The following CKB variants were observed in gnomAD, a reference collection of about 807,000 sequenced individuals.
CKB encodes the protein creatine kinase B.
Under a neutral mutation model 36.9 loss-of-function variants are expected in CKB, and 15 were observed. The ratio of observed to expected loss-of-function variants is 0.41; its 90% CI spans 0.27 to 0.63. The LOEUF (loss-of-function observed/expected upper bound fraction) is 0.63, where lower values mean the gene tolerates loss of function less well. CKB is among the 20% of genes least tolerant of loss of function. The probability of loss-of-function intolerance (pLI) is 0.34; values close to 1 mark genes in which losing one functional copy is unlikely to be tolerated. For missense variants in CKB, 413 were observed against 534.9 expected, an observed-to-expected ratio of 0.77 and a Z score of 2.25; for synonymous variants, 250 against 228.2, an observed-to-expected ratio of 1.10 and a Z score of -0.86.
chr14:103,522,295 G>T lies in CKB; in HGVS notation c.193+6C>A. 6.2e-7 allele frequency: 1 copy of T among 1,601,026 alleles called. No individual in the cohort carries two copies. Among genetic ancestry groups the T allele is most frequent in the East Asian group, 2.3e-5 (1 of 44,438 alleles). On this transcript the variant is annotated splice_donor_region_variant and intron_variant, in intron 2 of 7. Coordinates refer to ENST00000348956, the MANE Select transcript of CKB (RefSeq NM_001823.5). This position sits in a 1 kb window ranked among gnomAD's most constrained non-coding sequence, Gnocchi z 6.7. ...GCCGGGACCCCGGCCCCGAGGGGTC[G>T]CGTACCCGGGTTGTCCACGCCTGTC...
intron 5 of CKB, chr14:103,520,861 G>C: frequency 1.9e-6 from 1 of 513,466 alleles, no homozygotes. Context: ...CACAGTGGGG[G>C]TAGGAGCCCT....
In CKB at chr14:103,522,382, G is replaced by C; in HGVS notation, c.112C>G (p.Leu38Val). The part of the protein sequence containing the change: ...NHMAKVLTPE[L>V]YAELRAKSTP... Reference sequence around the variant, plus strand: ...CTCTTGGCGCGCAGCTCCGCGTACAGCTCGGGGGTCAGCACCTTGGCCATG... The same window carrying C: ...CTCTTGGCGCGCAGCTCCGCGTACACCTCGGGGGTCAGCACCTTGGCCATG... Residue 38 changes from leucine (L) to valine (V), a missense_variant, in exon 2 of 8, where the codon CTG (leucine) becomes GTG (valine). By Grantham distance (32) the Leu-to-Val change is conservative (BLOSUM62 1). Transcript: ENST00000348956. This position sits in a 1 kb window ranked among gnomAD's most constrained non-coding sequence, Gnocchi z 6.7. The C allele has an allele frequency of 6.2e-7, 1 of 1,611,666 alleles. No individual in the cohort carries two copies. Among genetic ancestry groups the C allele is most frequent in the Non-Finnish European group, 8.5e-7 (1 of 1,179,274 alleles).
At position 103,522,810 on chromosome 14, in the gene CKB, C is replaced by G. The variant is rs892560179; in HGVS notation, c.-57G>C. 11 of 151,168 alleles carry G rather than the reference C, an allele frequency of 7.3e-5. No homozygotes were observed. The highest frequency in any genetic ancestry group is 5.3e-4 in the Admixed American group (8 of 15,182). 9.4% of individuals were successfully genotyped at this position (151,168 alleles called of 1,614,324 possible). On this transcript the variant is annotated 5_prime_UTR_variant, in exon 1 of 8. Transcript: ENST00000348956. This position sits in a 1 kb window ranked among gnomAD's most constrained non-coding sequence, Gnocchi z 6.7. ...GGGGGCGCTCCGTCCGTCGGCAGCT[C>G]CCGGAGCGACGCAGGCGAACAGCGG...
chr14:103,520,385 CGGAAATCCCCCGGGG>C, intron 6 of CKB, 69 bp downstream of exon 6: 1 of 1,585,654 alleles, frequency 6.3e-7, no homozygotes, highest in Non-Finnish European at 8.6e-7. Flanking sequence ...TCCCCAGTGC[CGGAAATCCCCCGGGG>C]GGACTGATGC....
chr14:103,522,006 C>T lies in CKB; in HGVS notation c.348+17G>A. On this transcript the variant is annotated intron_variant, in intron 3 of 7. Coordinates refer to ENST00000348956, the MANE Select transcript of CKB (RefSeq NM_001823.5). The surrounding 1 kb of genome is among the most constrained non-coding windows in gnomAD (Gnocchi z 6.7). ...AGACCCCGGCCCCGCCCGCCCGGCC[C>T]GCCCGCAGCCCCGCACCTGCAGGTT... is the stretch of plus-strand genomic sequence containing the variant. 6.5e-7 allele frequency: 1 copy of T among 1,544,338 alleles called. No homozygotes were observed. The highest frequency in any genetic ancestry group is 1.2e-5 in the South Asian group (1 of 83,858).
At chr14:103,520,079 C>T (rs372367439) in intron 7 of CKB, 37 bp from the exon 8 acceptor site, 82 of 1,605,852 alleles carry the variant, frequency 5.1e-5, no homozygotes, top group Non-Finnish European at 6.7e-5. Flanking sequence ...GGAAACAGGG[C>T]TGCCCAAAGG....
chr14:103,521,785 C>A, intron 4 of CKB, 33 bp downstream of exon 4: 1 of 1,354,426 alleles, frequency 7.4e-7, no homozygotes, highest in South Asian at 1.8e-5. Flanking sequence ...GGGGACGCGG[C>A]CGCCGCCGCC....
chr14:103,521,570 C>A, intron 4 of CKB, 136 bp from the exon 5 acceptor site: 1 of 993,212 alleles, frequency 1.0e-6, no homozygotes, highest in Non-Finnish European at 1.4e-6. Context: ...GCGTCCAGTC[C>A]TCACGGCCCG....
chr14:103,521,119 CCA>C, intron 5 of CKB, 142 bp downstream of exon 5: 1 of 1,054,452 alleles, frequency 9.5e-7, no homozygotes, highest in South Asian at 1.4e-5. Context: ...GGCACGGAAC[CCA>C]GACCCGGAGC....
rs1019033675 is a variant in CKB, at chr14:103,522,663, G to A, written c.-13+103C>T. The A allele has an allele frequency of 2.4e-4, 65 of 266,452 alleles. No homozygotes were observed. The highest frequency in any genetic ancestry group is 6.5e-4 in the Admixed American group (11 of 17,036). 16.5% of individuals were successfully genotyped at this position (266,452 alleles called of 1,614,324 possible). A position where few individuals can be genotyped will look rare whatever the true frequency, so the allele number is the denominator to read the frequency against. On this transcript the variant is annotated intron_variant, in intron 1 of 7. Transcript: ENST00000348956. This position sits in a 1 kb window ranked among gnomAD's most constrained non-coding sequence, Gnocchi z 6.7. ...CGCGCGGGGAGCGCCATCATCGCCG[G>A]GGACCCCCGGCCGGTCCGGCGCGCG...
Position 103,521,050 on chromosome 14 carries a change from C to T in CKB, c.653+213G>A, listed in dbSNP as rs546351693. On this transcript the variant is annotated intron_variant, in intron 5 of 7. Transcript: ENST00000348956. ...TGCTGAGTCCTGAGCCCCCACGGGC[C>T]GGGGCCCAGTCCCTTAACGCACCTG... The T allele has an allele frequency of 1.5e-3, 1,054 of 707,104 alleles. 2 individuals are homozygous for T. Among genetic ancestry groups the T allele is most frequent in the Non-Finnish European group, 1.7e-3 (689 of 395,888 alleles). 43.8% of individuals were successfully genotyped at this position (707,104 alleles called of 1,614,324 possible).
chr14:103,520,827 G>T, intron 5 of CKB: 2 of 569,400 alleles, frequency 3.5e-6, no homozygotes, highest in Non-Finnish European at 6.0e-6. Flanking sequence ...GCCAGGGACC[G>T]CCAGGACAGC....
At position 103,520,202 on chromosome 14, in the gene CKB, T is replaced by G. The variant is rs758039698; in HGVS notation, c.887A>C (p.His296Pro). Residue 296 changes from histidine (H) to proline (P), a missense_variant, in exon 7 of 8, where the codon CAT (histidine) becomes CCT (proline). Coordinates refer to ENST00000348956, the MANE Select transcript of CKB (RefSeq NM_001823.5). ...CTTGCCCAGGTTGGGCAGCTTGATA[T>G]GCACACCTGCCCGCAGCCCGGTGCC... ...NLGTGLRAGV[H>P]IKLPNLGKHE... 1.2e-6 allele frequency: 2 copies of G among 1,613,098 alleles called. No individual in the cohort carries two copies. Among genetic ancestry groups the G allele is most frequent in the Admixed American group, 3.3e-5 (2 of 59,950 alleles).
Position 103,519,935 on chromosome 14 carries a change from G to A in CKB, c.1075C>T (p.Leu359=), listed in dbSNP as rs368182685. The change falls in exon 8 of 8, where the codon CTG becomes TTG. Residue 359 remains leucine (L), a synonymous_variant. Transcript: ENST00000348956. ...LVQMVVDGVK[L]LIEMEQRLEQ... is the part of the protein sequence containing the mutation. ...AGCCGCTGCTCCATCTCGATGAGCA[G>A]CTTCACTCCGTCCACCACCATCTGC... 5.7e-5 allele frequency: 92 copies of A among 1,609,952 alleles called. No homozygotes were observed. The highest frequency in any genetic ancestry group is 7.7e-5 in the Non-Finnish European group (91 of 1,179,974).
chr14:103,520,367 C>T, intron 6 of CKB, 56 bp from the exon 7 acceptor site: 1 of 1,585,848 alleles, frequency 6.3e-7, no homozygotes, highest in Non-Finnish European at 8.6e-7. Flanking sequence ...CCCTACAGGC[C>T]CTGAGACTCC....
chr14:103,520,787 A>C, intron 5 of CKB, 195 bp from the exon 6 acceptor site: 1 of 769,882 alleles, frequency 1.3e-6, no homozygotes, highest in Non-Finnish European at 2.0e-6. Context: ...CCCAGCTGCC[A>C]TCATGCGCTG....
chr14:103,520,634 C>G, intron 5 of CKB, 42 bp from the exon 6 acceptor site: 1 of 1,581,822 alleles, frequency 6.3e-7, no homozygotes, highest in Non-Finnish European at 8.6e-7. Context: ...GAAAAAAGCC[C>G]CAGGCCGCCC....
Sources: allele counts gnomAD v4.1 joint callset, GRCh38; gene constraint gnomAD v4.1.1; non-coding constraint Gnocchi (gnomAD v3.1); transcripts MANE v1.5; gene names NCBI Gene and HGNC (gene_info 2026-07-23, HGNC 2026-07-21).